FERMT1: variants seen among roughly 807,000 people sequenced by gnomAD.
The protein encoded by FERMT1 is fermitin family homolog 1.
FERMT1 carries 60 observed loss-of-function variants against 85.3 expected under a neutral mutation model. That is an observed-to-expected ratio of 0.70 (90% CI 0.57 to 0.87). The LOEUF (loss-of-function observed/expected upper bound fraction) is 0.87, where lower values mean the gene tolerates loss of function less well. FERMT1 is among the 40% of genes least tolerant of loss of function. The pLI is 0.00. For synonymous variants in FERMT1, 275 were observed against 301.1 expected, an observed-to-expected ratio of 0.91 and a Z score of 0.90; for missense variants, 701 against 818.9, an observed-to-expected ratio of 0.86 and a Z score of 1.76.
chr20:6,121,379 C>G (rs577621450), intron 1 of FERMT1, among the ~76,000 whole-genome samples: 28 of 152,340 alleles, frequency 1.8e-4, no homozygotes, highest in African/African-American at 6.0e-4. Flanking sequence ...CTTGGCCTCC[C>G]AAAGTGCTGG....
At position 6,085,278 on chromosome 20, in the gene FERMT1, A is replaced by G. The variant is rs775521912; in HGVS notation, c.1381T>C (p.Tyr461His). The change falls in exon 12 of 15, where the codon TAC becomes CAC. Residue 461 changes from tyrosine to histidine, a missense_variant. By Grantham distance (83) the Tyr-to-His change is moderately conservative. Transcript: ENST00000217289. ...MYLRCDHENQYAQWMAACMLA... is the reference protein window; with the variant it reads ...MYLRCDHENQHAQWMAACMLA... ...ATGCAGGCAGCCATCCATTGGGCGTATTGATTCTCCTGCAGCAAACAGAAG... is the reference window on the plus strand; with the variant it reads ...ATGCAGGCAGCCATCCATTGGGCGTGTTGATTCTCCTGCAGCAAACAGAAG... 1 of 1,613,410 alleles carries G rather than the reference A, an allele frequency of 6.2e-7. No individual in the cohort carries two copies. The highest frequency in any genetic ancestry group is 2.2e-5 in the East Asian group (1 of 44,878).
chr20:6,122,938 G>A lies in FERMT1; in HGVS notation c.-183C>T, dbSNP rs1983323056. 3 of 152,374 alleles carry A rather than the reference G, an allele frequency of 2.0e-5. No homozygotes were observed. The highest frequency in any genetic ancestry group is 4.4e-5 in the Non-Finnish European group (3 of 68,180). The allele number at this position is 152,374 out of a possible 1,614,324, so 9.4% of individuals were successfully genotyped here. On this transcript the variant is annotated 5_prime_UTR_variant, in exon 1 of 15. Coordinates refer to ENST00000217289, the MANE Select transcript of FERMT1 (RefSeq NM_017671.5). ...TCAGCTAAGGCTGCGGCAGGTGAGG[G>A]CTGGAGCCAGGGCGAGCAGGCGAAG...
intron 5 of FERMT1, among the ~76,000 whole-genome samples, chr20:6,109,261 G>T (rs993403523): frequency 2.8e-4 from 42 of 152,280 alleles, no homozygotes; most frequent in Admixed American, 1.2e-3. Flanking sequence ...TACAAGGAGG[G>T]GGCCGATCTT....
intron 10 of FERMT1, 69 bp from the exon 11 acceptor site, chr20:6,087,952 C>A (rs1376391613): frequency 6.6e-6 from 6 of 907,104 alleles, no homozygotes; most frequent in Admixed American, 1.7e-5. Flanking sequence ...AGGTGTGTAT[C>A]TGAAATAAAG....
At chr20:6,086,230 T>A (rs771307943) in intron 11 of FERMT1, among the ~76,000 whole-genome samples, 1 of 152,066 alleles carries the variant, frequency 6.6e-6, no homozygotes, top group African/African-American at 2.4e-5. Context: ...TTCCTTGATA[T>A]GTATTTCTGT....
At chr20:6,090,794 A>G (rs1235445480) in intron 9 of FERMT1, among the ~76,000 whole-genome samples, 2 of 152,216 alleles carry the variant, frequency 1.3e-5, no homozygotes, top group Non-Finnish European at 2.9e-5. Flanking sequence ...AATATTACAT[A>G]TAATTTATAA....
At chr20:6,109,325 A>G (rs1185594815) in intron 5 of FERMT1, among the ~76,000 whole-genome samples, 1 of 152,190 alleles carries the variant, frequency 6.6e-6, no homozygotes, top group Non-Finnish European at 1.5e-5. Context: ...AATGACAGGT[A>G]GGGACTGAAC....
At chr20:6,116,860 T>A (rs1390895197) in intron 2 of FERMT1, among the ~76,000 whole-genome samples, 2 of 152,236 alleles carry the variant, frequency 1.3e-5, no homozygotes, top group African/African-American at 4.8e-5. Flanking sequence ...CTCTGTGCCA[T>A]GGCCCTTTCT....
At chr20:6,106,572 C>T (rs1402896486) in intron 6 of FERMT1, among the ~76,000 whole-genome samples, 1 of 152,202 alleles carries the variant, frequency 6.6e-6, no homozygotes, top group Non-Finnish European at 1.5e-5. Context: ...ATATCGTCGA[C>T]ACTGGGCCAT....
At chr20:6,079,948 G>A (rs1031572778) in intron 13 of FERMT1, among the ~76,000 whole-genome samples, 1 of 152,216 alleles carries the variant, frequency 6.6e-6, no homozygotes, top group Admixed American at 6.5e-5. Context: ...AAGATCATAA[G>A]TATGAGGTAC....
rs781042281 is a variant in FERMT1 at position 6,087,853 on chromosome 20, G to A, written c.1295C>T (p.Ala432Val). 4 of 1,610,792 alleles carry A rather than the reference G, an allele frequency of 2.5e-6. No individual in the cohort carries two copies. In the African/African-American group the frequency reaches 5.3e-5, roughly 22 times the overall value. ...GCEVVPDVNV[A>V]GRKFGIKLLI... The stretch of plus-strand genomic sequence containing the variant: ...TAACTTGATTCCAAATTTTCTTCCT[G>A]CTACATTTACATCGGGCACAACTTC... The change falls in exon 11 of 15, where the codon GCA (alanine) becomes GTA (valine). Residue 432 changes from alanine to valine, a missense_variant. Coordinates refer to ENST00000217289, the MANE Select transcript of FERMT1 (RefSeq NM_017671.5).
intron 10 of FERMT1, 46 bp downstream of exon 10, chr20:6,088,919 T>A (rs1327168040): frequency 6.3e-7 from 1 of 1,592,964 alleles, no homozygotes; most frequent in African/African-American, 1.3e-5. Flanking sequence ...CCACCGCGTC[T>A]GCCCTGACTT....
At chr20:6,102,679 GAA>G (rs769578429) in intron 6 of FERMT1, among the ~76,000 whole-genome samples, 2 of 50,762 alleles carry the variant, frequency 3.9e-5, no homozygotes, top group South Asian at 8.9e-4. Flanking sequence ...TGTGTCTCAA[GAA>G]AAAAAAAAAA....
At chr20:6,114,900 T>C (rs1983055549) in intron 3 of FERMT1, among the ~76,000 whole-genome samples, 1 of 149,832 alleles carries the variant, frequency 6.7e-6, no homozygotes, top group African/African-American at 2.4e-5. Context: ...TAAAATTTGT[T>C]ACATTTACAT....
intron 9 of FERMT1, among the ~76,000 whole-genome samples, chr20:6,090,727 AAAATAAAT>A (rs779645292): frequency 1.3e-5 from 2 of 152,158 alleles, no homozygotes; most frequent in African/African-American, 4.8e-5. Flanking sequence ...TTGTTTCTAA[AAAATAAAT>A]AAATAAAATT....
intron 6 of FERMT1, among the ~76,000 whole-genome samples, chr20:6,100,497 G>C (rs6038355): frequency 6.6e-6 from 1 of 151,942 alleles, no homozygotes; most frequent in African/African-American, 2.4e-5. Context: ...TTCTTACTGC[G>C]GTGATGAAAA....
intron 6 of FERMT1, among the ~76,000 whole-genome samples, chr20:6,106,456 C>G (rs1274283389): frequency 6.6e-6 from 1 of 152,140 alleles, no homozygotes; most frequent in Non-Finnish European, 1.5e-5. Flanking sequence ...AAGGCAAGCT[C>G]CTCCAAGTGT....
Position 6,110,366 on chromosome 20 carries a change from C to G in FERMT1, c.678G>C (p.Gln226His). Residue 226 changes from glutamine to histidine, a missense_variant, in exon 5 of 15, where the codon CAG becomes CAC. Physicochemically the swap from Gln to His is conservative, Grantham distance 24. Transcript: ENST00000217289. ...ACATATCCGCAAGTGCTTCTGGGGA[C>G]TGGGGGGGTTGGCTGAATGCGAGGA... ...CSILAFSQPP[Q>H]SPEALADMYQ... 5 of 1,613,854 alleles carry G rather than the reference C, an allele frequency of 3.1e-6. No individual in the cohort carries two copies. Among genetic ancestry groups the G allele is most frequent in the Non-Finnish European group, 4.2e-6 (5 of 1,179,916 alleles).
chr20:6,078,652 T>A (rs200444895), intron 14 of FERMT1, among the ~76,000 whole-genome samples: 1 of 148,814 alleles, frequency 6.7e-6, no homozygotes, highest in Non-Finnish European at 1.5e-5. Flanking sequence ...TTTTGTTTTT[T>A]TTTTTTTTAA....
Sources: allele counts gnomAD v4.1 joint callset (sites outside exome capture counted in the v4.1 genomes callset), GRCh38; gene constraint gnomAD v4.1.1; transcripts MANE v1.5; gene names NCBI Gene and HGNC (gene_info 2026-07-23, HGNC 2026-07-21).